Variants in MECR observed in about 807,000 individuals in gnomAD.
MECR encodes the protein mitochondrial trans-2-enoyl-CoA reductase.
In MECR, 37 loss-of-function variants were observed where a neutral mutation model predicts 49.1. The ratio of observed to expected loss-of-function variants is 0.75; its 90% CI spans 0.58 to 0.99. The LOEUF (loss-of-function observed/expected upper bound fraction) is 0.99. Ranked by LOEUF, MECR falls within the 50% of genes least tolerant of loss-of-function variation. The pLI, the probability that MECR is intolerant of heterozygous loss-of-function variation, is 0.00. For synonymous variants in MECR, 198 were observed against 191.1 expected, an observed-to-expected ratio of 1.04 and a Z score of -0.30; for missense variants, 470 against 479.6, an observed-to-expected ratio of 0.98 and a Z score of 0.19.
chr1:29,210,575 A>G (rs939917257), intron 3 of MECR, among the ~76,000 whole-genome samples: 7 of 152,160 alleles, frequency 4.6e-5, no homozygotes, highest in African/African-American at 1.2e-4. Flanking sequence ...TGGCACGACA[A>G]TGGAAATCCA....
chr1:29,183,399 C>T, the MECR span, among the ~76,000 whole-genome samples: 1 of 150,882 alleles, frequency 6.6e-6, no homozygotes, highest in African/African-American at 2.5e-5. Flanking sequence ...CTCTCTTTCT[C>T]TCTCTCTCTA....
intron 1 of MECR, 130 bp from the exon 2 acceptor site, chr1:29,216,815 G>A (rs952590504): frequency 8.5e-6 from 13 of 1,525,958 alleles, no homozygotes; most frequent in African/African-American, 1.4e-5. Flanking sequence ...TTACGGTTCT[G>A]TTATAAAAGA....
chr1:29,220,862 G>A, intron 1 of MECR: 1 of 965,496 alleles, frequency 1.0e-6, no homozygotes, highest in Non-Finnish European at 1.2e-6. Flanking sequence ...AGAAATGACA[G>A]CTGTTATCAG....
intron 3 of MECR, among the ~76,000 whole-genome samples, chr1:29,208,448 G>A (rs995294870): frequency 1.5e-4 from 23 of 152,198 alleles, no homozygotes; most frequent in African/African-American, 4.1e-4. Flanking sequence ...AGCCTGACTC[G>A]CCTCCTCCAG....
chr1:29,177,334 T>C, the MECR span, among the ~76,000 whole-genome samples: 1 of 148,862 alleles, frequency 6.7e-6, no homozygotes, highest in South Asian at 2.1e-4. Context: ...CAGGCTGGAG[T>C]GCAATGGCAG....
downstream of MECR, among the ~76,000 whole-genome samples, chr1:29,189,578 A>G (rs3000851): frequency 0.83 from 125,575 of 152,186 alleles, 52,391 homozygotes; most frequent in Middle Eastern, 0.89. Flanking sequence ...TTTTAAGTCC[A>G]ATTCTCTTTT....
chr1:29,213,401 G>GA (rs1678518483), intron 3 of MECR, among the ~76,000 whole-genome samples: 1 of 148,960 alleles, frequency 6.7e-6, no homozygotes, highest in Non-Finnish European at 1.5e-5. Flanking sequence ...TCCTATTACT[G>GA]TTTTTTTTTT....
intron 3 of MECR, among the ~76,000 whole-genome samples, chr1:29,214,699 T>C (rs1361223147): frequency 1.3e-5 from 2 of 152,184 alleles, no homozygotes; most frequent in Admixed American, 6.5e-5. Context: ...GCTGGGTCGC[T>C]GTAAGTTACA....
intron 1 of MECR, among the ~76,000 whole-genome samples, chr1:29,226,504 G>A (rs746529087): frequency 3.9e-5 from 6 of 152,312 alleles, no homozygotes; most frequent in East Asian, 1.9e-4. Context: ...GGTTGAGGCA[G>A]AAGGATCGCT....
At chr1:29,190,176 C>T (rs948857538), downstream of MECR, among the ~76,000 whole-genome samples, 6 of 151,362 alleles carry the variant, frequency 4.0e-5, no homozygotes, top group East Asian at 9.9e-4. Flanking sequence ...AGATCGAGAT[C>T]ATCCTGGCTA....
rs780747160 is a variant in MECR at position 29,203,122 on chromosome 1, C to T, written c.653+9G>A. On this transcript the variant is annotated intron_variant, in intron 5 of 9. Transcript: ENST00000263702. ...CATGGTCTGGGATGAAGCCTCCTTC[C>T]CCACGCACCTGTCTCGGACCACATT... The T allele has an allele frequency of 6.4e-7, 1 of 1,561,618 alleles. No individual in the cohort carries two copies. The highest frequency in any genetic ancestry group is 1.9e-5 in the Admixed American group (1 of 53,686).
chr1:29,220,043 G>A (rs1490249867), intron 1 of MECR, among the ~76,000 whole-genome samples: 1 of 152,112 alleles, frequency 6.6e-6, no homozygotes, highest in Non-Finnish European at 1.5e-5. Flanking sequence ...TTAACTCACT[G>A]TTGAGCAAAT....
intron 3 of MECR, among the ~76,000 whole-genome samples, chr1:29,211,006 A>T (rs1472253362): frequency 6.6e-6 from 1 of 151,624 alleles, no homozygotes; most frequent in Non-Finnish European, 1.5e-5. Context: ...ACCCTTAACC[A>T]TCTCCATTGT....
At chr1:29,174,045 G>A in the MECR span, among the ~76,000 whole-genome samples, 5 of 151,238 alleles carry the variant, frequency 3.3e-5, no homozygotes, top group South Asian at 4.2e-4. Context: ...AAAAATTAGC[G>A]GGGTGTGGTG....
At chr1:29,208,695 T>C (rs1375594436) in intron 3 of MECR, among the ~76,000 whole-genome samples, 2 of 152,162 alleles carry the variant, frequency 1.3e-5, no homozygotes, top group Non-Finnish European at 1.5e-5. Flanking sequence ...AGCTGGAACC[T>C]GGGTATCTGG....
In MECR at chr1:29,201,860, G is replaced by T; in HGVS notation, c.756+83C>A. On this transcript the variant is annotated intron_variant, in intron 6 of 9. Coordinates refer to ENST00000263702, the MANE Select transcript of MECR (RefSeq NM_016011.5). This position sits in a 1 kb window ranked among gnomAD's most constrained non-coding sequence, Gnocchi z 4.3. ...TTTCCAGAGAGGAACAATGGGGCCA[G>T]TCCCCAGTTTCTCTAATGCATGTCA... 1 of 1,182,070 alleles carries T rather than the reference G, an allele frequency of 8.5e-7. No individual in the cohort carries two copies. Among genetic ancestry groups the T allele is most frequent in the Non-Finnish European group, 1.3e-6 (1 of 793,144 alleles). 73.2% of individuals were successfully genotyped at this position (1,182,070 alleles called of 1,614,324 possible).
intron 1 of MECR, among the ~76,000 whole-genome samples, chr1:29,229,384 T>C (rs1336775670): frequency 6.6e-6 from 1 of 152,138 alleles, no homozygotes; most frequent in Non-Finnish European, 1.5e-5. Flanking sequence ...TTTGTATTTT[T>C]AGTAGAGATG....
chr1:29,200,626 C>T (rs747772734), intron 6 of MECR, 37 bp from the exon 7 acceptor site: 49 of 1,585,310 alleles, frequency 3.1e-5, no homozygotes, highest in African/African-American at 1.2e-4. Context: ...GGAGCATCCC[C>T]GCTCTACATA....
chr1:29,222,633 G>A (rs778044853), intron 1 of MECR, among the ~76,000 whole-genome samples: 7 of 152,226 alleles, frequency 4.6e-5, no homozygotes, highest in African/African-American at 7.2e-5. Context: ...TGGGCCCCTC[G>A]TTCTCTTCTT....
Sources: gnomAD v4.1 joint callset for allele counts (sites outside exome capture counted in the v4.1 genomes callset) on GRCh38, gnomAD v4.1.1 for gene constraint, Gnocchi (gnomAD v3.1) non-coding constraint, MANE v1.5 for transcripts, NCBI Gene and HGNC (gene_info 2026-07-23, HGNC 2026-07-21) for gene names.